The following CDC20B variants were observed in gnomAD, a reference collection of about 807,000 sequenced individuals.
CDC20B encodes the protein cell division cycle protein 20 homolog B.
CDC20B carries 58 observed loss-of-function variants against 64.1 expected under a neutral mutation model. The observed-to-expected ratio is 0.90, with a 90% CI of 0.73 to 1.13. The LOEUF (loss-of-function observed/expected upper bound fraction) is 1.13, where lower values mean the gene tolerates loss of function less well. Among genes scored for constraint, CDC20B ranks in the 50% most tolerant of loss-of-function variants. CDC20B has a pLI of 0.00. For missense variants in CDC20B, 597 were observed against 633.0 expected (o/e 0.94, Z 0.61); for synonymous variants, 243 against 230.6 (o/e 1.05, Z -0.49).
intron 10 of CDC20B, 111 bp from the exon 11 acceptor site, chr5:55,120,029 C>A (rs1039632675): frequency 3.9e-6 from 3 of 765,114 alleles, no homozygotes; most frequent in Non-Finnish European, 6.6e-6. Flanking sequence ...TCCAGTACAG[C>A]TGGGGTAGGA....
intron 2 of CDC20B, among the ~76,000 whole-genome samples, chr5:55,168,405 C>T (rs976426193): frequency 1.1e-4 from 17 of 151,932 alleles, no homozygotes; most frequent in Non-Finnish European, 7.4e-5. Context: ...TTTACCATCC[C>T]TTTTCCCTCT....
intron 9 of CDC20B, 63 bp from the exon 10 acceptor site, chr5:55,120,613 G>T: frequency 6.3e-7 from 1 of 1,590,132 alleles, no homozygotes; most frequent in Non-Finnish European, 8.6e-7. Flanking sequence ...TCATGAATGT[G>T]ATGCACTTAG....
intron 2 of CDC20B, chr5:55,170,725 C>CCTACCTG (rs1322925717): frequency 1.9e-6 from 1 of 531,636 alleles, no homozygotes; most frequent in Non-Finnish European, 3.9e-6. Flanking sequence ...CAATACACTG[C>CCTACCTG]CTACCTGATT....
chr5:55,119,818 C>A lies in CDC20B; in HGVS notation c.1442G>T (p.Arg481Met), dbSNP rs1742713916. The A allele has an allele frequency of 6.2e-7, 1 of 1,613,652 alleles. No individual in the cohort carries two copies. The highest frequency in any genetic ancestry group is 8.5e-7 in the Non-Finnish European group (1 of 1,179,620). Residue 481 changes from arginine to methionine, a missense_variant, in exon 11 of 12, where the codon AGG (arginine) becomes ATG (methionine). This residue lies in a region of CDC20B where 353 missense variants were observed against 397.0 expected (regional missense o/e 0.89). Transcript: ENST00000381375. The part of the protein sequence containing the change: ...VTVWTCPTVS[R>M]SGGFFGHRGR... ...TTGCTTACCAAAAAACCCACCTGAC[C>A]TGGACACAGTGGGACAGGTCCACAC...
chr5:55,127,123 C>T, intron 8 of CDC20B, 134 bp downstream of exon 8: 1 of 728,084 alleles, frequency 1.4e-6, no homozygotes, highest in Non-Finnish European at 2.3e-6. Flanking sequence ...TGGGATCATA[C>T]CTGATATTAA....
rs530616058 is a variant in CDC20B, at chr5:55,169,788, T to C, written c.126+2800A>G. Among the ~76,000 whole-genome samples, 6 of 152,338 alleles carry C rather than the reference T, an allele frequency of 3.9e-5. No individual in the cohort carries two copies. The South Asian group carries it at 1.2e-3, about 32-fold the overall frequency. ...GTTGGTACACACACAGTCATGGCTATAGAAACCAATTCTAATGCTGTATTT... is the reference window on the plus strand; with the variant it reads ...GTTGGTACACACACAGTCATGGCTACAGAAACCAATTCTAATGCTGTATTT... On this transcript the variant is annotated intron_variant, in intron 2 of 11. Transcript: ENST00000381375.
In CDC20B at chr5:55,127,340, C is replaced by T; in HGVS notation, c.906G>A (p.Val302=). 6.2e-7 allele frequency: 1 copy of T among 1,613,766 alleles called. No individual in the cohort carries two copies. Residue 302 remains valine, a synonymous_variant, in exon 8 of 12, where the codon GTG becomes GTA. Coordinates refer to ENST00000381375, the MANE Select transcript of CDC20B (RefSeq NM_001170402.1). ...TATTTCTCAGCCGCTTTTTAGTTACCACATCCCATAACTGAAAAAATGAAC... is the reference window on the plus strand; with the variant it reads ...TATTTCTCAGCCGCTTTTTAGTTACTACATCCCATAACTGAAAAAATGAAC... ...TSEGEVQLWD[V]VTKKRLRNML... is the part of the protein sequence containing the mutation.
chr5:55,143,485 G>T (rs754389124), intron 4 of CDC20B, 28 bp downstream of exon 4: 59 of 1,553,514 alleles, frequency 3.8e-5, no homozygotes, highest in Non-Finnish European at 4.9e-5. Flanking sequence ...CTAGATGTGG[G>T]ATCTTCAGTT....
intron 2 of CDC20B, chr5:55,164,137 A>G (rs1024452101): frequency 1.2e-6 from 2 of 1,605,710 alleles, no homozygotes; most frequent in Non-Finnish European, 1.7e-6. Flanking sequence ...TCTGGAAGCC[A>G]GAGGAGCCCA....
At chr5:55,123,827 C>G (rs1742812517) in intron 9 of CDC20B, among the ~76,000 whole-genome samples, 1 of 152,148 alleles carries the variant, frequency 6.6e-6, no homozygotes, top group South Asian at 2.1e-4. Flanking sequence ...GGAATTTGGA[C>G]CGATCATCAT....
Position 55,117,912 on chromosome 5 carries a change from C to T in CDC20B, c.1459+1889G>A, listed in dbSNP as rs528033207. 3.9e-5 allele frequency among the ~76,000 whole-genome samples: 6 copies of T among 152,124 alleles called. No individual in the cohort carries two copies. The South Asian group carries it at 6.2e-4, about 16-fold the overall frequency. ...GGTGGATCACCTAAGGTCAGGAGTT[C>T]GAGCCCAGCCTGGCCAACATGGAGA... On this transcript the variant is annotated intron_variant, in intron 11 of 11. Coordinates refer to ENST00000381375, the MANE Select transcript of CDC20B (RefSeq NM_001170402.1).
At chr5:55,116,811 C>A (rs1260118237) in intron 11 of CDC20B, among the ~76,000 whole-genome samples, 2 of 152,194 alleles carry the variant, frequency 1.3e-5, no homozygotes, top group African/African-American at 4.8e-5. Context: ...TTTTCCAAAG[C>A]ATGTACTGAA....
intron 11 of CDC20B, 104 bp downstream of exon 11, chr5:55,119,697 C>A (rs1742710000): frequency 4.2e-6 from 3 of 722,300 alleles, no homozygotes; most frequent in Non-Finnish European, 4.8e-6. Context: ...GAAATGTGTA[C>A]TTAGAAAAAC....
At chr5:55,166,534 G>A (rs1744398536) in intron 2 of CDC20B, 1 of 152,244 alleles carries the variant, frequency 6.6e-6, no homozygotes, top group Admixed American at 6.5e-5. Flanking sequence ...TATGTGTGCT[G>A]AGAGAGGGAG....
intron 11 of CDC20B, among the ~76,000 whole-genome samples, chr5:55,119,417 T>C (rs1742703076): frequency 6.6e-6 from 1 of 152,216 alleles, no homozygotes; most frequent in Non-Finnish European, 1.5e-5. Flanking sequence ...AAGCTCATGG[T>C]CATTAGTGGC....
At chr5:55,167,845 C>T (rs1251415999) in intron 2 of CDC20B, among the ~76,000 whole-genome samples, 1 of 152,052 alleles carries the variant, frequency 6.6e-6, no homozygotes, top group Non-Finnish European at 1.5e-5. Flanking sequence ...GGCTGGGCAA[C>T]AGAGCGAGAC....
At chr5:55,148,628 T>C (rs1487528783) in intron 2 of CDC20B, among the ~76,000 whole-genome samples, 1 of 152,122 alleles carries the variant, frequency 6.6e-6, no homozygotes, top group Non-Finnish European at 1.5e-5. Context: ...GGCAGGAGGA[T>C]TGCTTGCTGC....
intron 2 of CDC20B, among the ~76,000 whole-genome samples, chr5:55,159,324 T>C (rs1743918809): frequency 6.6e-6 from 1 of 152,218 alleles, no homozygotes; most frequent in African/African-American, 2.4e-5. Context: ...GCCTCAGTTT[T>C]TTCCATCTAC....
At chr5:55,127,671 G>C (rs939512390) in intron 7 of CDC20B, among the ~76,000 whole-genome samples, 6 of 152,166 alleles carry the variant, frequency 3.9e-5, no homozygotes, top group African/African-American at 1.4e-4. Flanking sequence ...TAAATTGTGA[G>C]AATTCCAAAT....
Sources: allele counts gnomAD v4.1 joint callset (sites outside exome capture counted in the v4.1 genomes callset), GRCh38; gene constraint gnomAD v4.1.1; regional missense constraint gnomAD v4.1.1; transcripts MANE v1.5; gene names NCBI Gene and HGNC (gene_info 2026-07-23, HGNC 2026-07-21).